Variants in TRIO observed in about 807,000 individuals in gnomAD.
The protein encoded by TRIO is trio Rho guanine nucleotide exchange factor.
In TRIO, 58 loss-of-function variants were observed where a neutral mutation model predicts 351.9. The observed-to-expected ratio is 0.16, with a 90% confidence interval of 0.13 to 0.21. The LOEUF (loss-of-function observed/expected upper bound fraction) is 0.21, where lower values mean the gene tolerates loss of function less well. TRIO is among the 10% of genes least tolerant of loss of function. The pLI is 1.00. For synonymous variants in TRIO, 1,758 were observed against 1,595.7 expected, an observed-to-expected ratio of 1.10 and a Z score of -2.42; for missense variants, 3,201 against 4,027.8, an observed-to-expected ratio of 0.79 and a Z score of 5.56.
chr5:14,234,483 G>A (rs1252000490), intron 1 of TRIO, among the ~76,000 whole-genome samples: 1 of 152,212 alleles, frequency 6.6e-6, no homozygotes, highest in African/African-American at 2.4e-5. Context: ...GTAGCCCCGT[G>A]AGCAGGTTTT....
Position 14,419,954 on chromosome 5 carries a change from C to T in TRIO, c.5136C>T (p.Pro1712=), listed in dbSNP as rs1749977783. Residue 1712 remains proline (P), a synonymous_variant, in exon 34 of 57, where the codon CCC becomes CCT. Coordinates refer to ENST00000344204, the MANE Select transcript of TRIO (RefSeq NM_007118.4). ...CCCCAGCGGCAGAAGGCCTGGTCCC[C>T]TGTGGTTCACTGTGCATCGCCCACT... ...DRSPAAEGLV[P]CGSLCIAHSR... is the part of the protein sequence containing the mutation. The T allele has an allele frequency of 3.1e-6, 5 of 1,614,226 alleles. No individual in the cohort carries two copies. The highest frequency in any genetic ancestry group is 4.5e-5 in the East Asian group (2 of 44,892).
intron 34 of TRIO, among the ~76,000 whole-genome samples, chr5:14,438,949 C>T (rs1334399649): frequency 2.6e-5 from 4 of 152,220 alleles, no homozygotes; most frequent in South Asian, 2.1e-4. Flanking sequence ...ACCCAGAAGG[C>T]GTCTTCCTTC....
At chr5:14,463,390 C>G (rs888558589) in intron 36 of TRIO, among the ~76,000 whole-genome samples, 2 of 152,112 alleles carry the variant, frequency 1.3e-5, no homozygotes, top group Non-Finnish European at 2.9e-5. Flanking sequence ...TCCAACATGC[C>G]AGACATTAGT....
chr5:14,440,266 G>A (rs116195183), intron 34 of TRIO, among the ~76,000 whole-genome samples: 4,349 of 152,290 alleles, frequency 0.029, 88 homozygotes, highest in South Asian at 0.046. Context: ...GTTGAGATAT[G>A]TGGCGAATAT....
intron 39 of TRIO, among the ~76,000 whole-genome samples, chr5:14,473,677 A>G (rs967578205): frequency 6.6e-6 from 1 of 152,244 alleles, no homozygotes; most frequent in Non-Finnish European, 1.5e-5. Flanking sequence ...ATTCTGACCA[A>G]ATATTTAATA....
At position 14,487,771 on chromosome 5, in the gene TRIO, G is replaced by C. The variant is rs755840250; in HGVS notation, c.7143G>C (p.Ala2381=). ...GGCCCTCCCTGCCTCCCCCTGGCGCGGCCCCCGAGGCCGGCCCCAGCGCGC... is the reference window on the plus strand; with the variant it reads ...GGCCCTCCCTGCCTCCCCCTGGCGCCGCCCCCGAGGCCGGCCCCAGCGCGC... ...TPGPSLPPPG[A]APEAGPSAPS... The change falls in exon 48 of 57, where the codon GCG becomes GCC. Residue 2381 remains alanine, a synonymous_variant. Transcript: ENST00000344204. 49 of 1,358,846 alleles carry C rather than the reference G, an allele frequency of 3.6e-5. No individual in the cohort carries two copies. In the African/African-American group the frequency reaches 7.6e-4, roughly 21 times the overall value. The allele number at this position is 1,358,846 out of a possible 1,614,324, so 84.2% of individuals were successfully genotyped here.
At position 14,492,576 on chromosome 5, in the gene TRIO, A is replaced by G; in HGVS notation, c.7642A>G (p.Ser2548Gly). The part of the protein sequence containing the change: ...QSTQSNGSES[S>G]SSSNISTMLV... ...ATCTGTCCCTCTGCAGAGTGAAAGC[A>G]GCAGCAGTAGCAACATCTCCACCAT... is the stretch of plus-strand genomic sequence containing the variant. Residue 2548 changes from serine to glycine, a missense_variant, in exon 49 of 57, where the codon AGC becomes GGC. By Grantham distance (56) the Ser-to-Gly change is moderately conservative. Coordinates refer to ENST00000344204, the MANE Select transcript of TRIO (RefSeq NM_007118.4). The G allele has an allele frequency of 6.2e-7, 1 of 1,614,166 alleles. No individual in the cohort carries two copies. The highest frequency in any genetic ancestry group is 8.5e-7 in the Non-Finnish European group (1 of 1,180,030).
At chr5:14,366,790 C>A in intron 15 of TRIO, 70 bp from the exon 16 acceptor site, 2 of 1,602,908 alleles carry the variant, frequency 1.2e-6, no homozygotes, top group South Asian at 2.3e-5. Flanking sequence ...ACGCTTGTAT[C>A]TCACCCCTGG....
chr5:14,165,693 C>T (rs1283784861), intron 1 of TRIO, among the ~76,000 whole-genome samples: 2 of 152,138 alleles, frequency 1.3e-5, no homozygotes, highest in Non-Finnish European at 2.9e-5. Context: ...TCAACCTTTC[C>T]TTGGGAAGGG....
intron 37 of TRIO, among the ~76,000 whole-genome samples, chr5:14,466,731 C>T (rs149089350): frequency 4.6e-5 from 7 of 152,214 alleles, no homozygotes; most frequent in Non-Finnish European, 8.8e-5. Context: ...TCCCTCCAGA[C>T]GTTTTCCTTG....
chr5:14,312,041 C>A (rs926755071), intron 8 of TRIO, among the ~76,000 whole-genome samples: 2 of 152,144 alleles, frequency 1.3e-5, no homozygotes, highest in Non-Finnish European at 2.9e-5. Flanking sequence ...TGTCTAGATG[C>A]TATTGTCTTT....
At chr5:14,301,448 G>A (rs1404187788) in intron 7 of TRIO, among the ~76,000 whole-genome samples, 1 of 152,056 alleles carries the variant, frequency 6.6e-6, no homozygotes, top group Non-Finnish European at 1.5e-5. Flanking sequence ...CAGATACTAA[G>A]ACAGCTGCTC....
chr5:14,462,969 G>C, intron 36 of TRIO, 44 bp downstream of exon 36: 1 of 1,516,856 alleles, frequency 6.6e-7, no homozygotes. Context: ...TGCCGTGCAG[G>C]GGCAGGGCAC....
intron 11 of TRIO, among the ~76,000 whole-genome samples, chr5:14,355,607 C>T (rs1743549972): frequency 6.6e-6 from 1 of 152,184 alleles, no homozygotes; most frequent in African/African-American, 2.4e-5. Context: ...TGCCATGTGA[C>T]TTGGCAACTT....
intron 55 of TRIO, 130 bp from the exon 56 acceptor site, chr5:14,506,992 A>C (rs1757733823): frequency 1.6e-6 from 2 of 1,287,160 alleles, no homozygotes; most frequent in Non-Finnish European, 2.0e-6. Context: ...CACGCCTTAG[A>C]GGCACGGCCC....
At chr5:14,251,969 TAA>T (rs1554041668) in intron 1 of TRIO, among the ~76,000 whole-genome samples, 7 of 137,552 alleles carry the variant, frequency 5.1e-5, no homozygotes, top group East Asian at 2.1e-4. Context: ...AGAGGCAACT[TAA>T]AAAAAAAAAA....
intron 54 of TRIO, 83 bp downstream of exon 54, chr5:14,502,740 A>G (rs1253881807): frequency 7.4e-7 from 1 of 1,345,748 alleles, no homozygotes; most frequent in South Asian, 1.2e-5. Context: ...AAAGCTAAGC[A>G]GTGTTATCTT....
chr5:14,349,065 TTG>T (rs1043709705), intron 11 of TRIO, among the ~76,000 whole-genome samples: 2 of 136,166 alleles, frequency 1.5e-5, no homozygotes, highest in Non-Finnish European at 3.2e-5. Context: ...TCCTGCATGT[TTG>T]TGTGTATGCA....
At chr5:14,249,757 G>C (rs370257341) in intron 1 of TRIO, among the ~76,000 whole-genome samples, 84 of 152,296 alleles carry the variant, frequency 5.5e-4, no homozygotes, top group African/African-American at 1.9e-3. Context: ...TGACAGCCCT[G>C]CATGAGGATT....
Sources: allele counts gnomAD v4.1 joint callset (sites outside exome capture counted in the v4.1 genomes callset), GRCh38; gene constraint gnomAD v4.1.1; transcripts MANE v1.5; gene names NCBI Gene and HGNC (gene_info 2026-07-23, HGNC 2026-07-21).